Variants in PCDHGA4 observed in about 807,000 individuals in gnomAD.
PCDHGA4 encodes protocadherin gamma subfamily A, 4, also known as protocadherin gamma-A4.
Under a neutral mutation model 54.6 loss-of-function variants are expected in PCDHGA4, and 38 were observed. That is an observed-to-expected ratio of 0.70 (90% CI 0.54 to 0.91). The LOEUF is 0.91. Among genes scored for constraint, PCDHGA4 ranks in the 40% least tolerant of loss-of-function variants. The pLI, the probability that PCDHGA4 is intolerant of heterozygous loss-of-function variation, is 0.00. For synonymous variants in PCDHGA4, 511 were observed against 512.9 expected (o/e 1.00, Z 0.05); for missense variants, 1,298 against 1,220.9 (o/e 1.06, Z -0.94).
At chr5:141,488,207 TC>T (rs2099672969) in intron 1 of PCDHGA4, among the ~76,000 whole-genome samples, 1 of 152,216 alleles carries the variant, frequency 6.6e-6, no homozygotes, top group Non-Finnish European at 1.5e-5. Context: ...AGGACTCATA[TC>T]AAGTCCCTAC....
At chr5:141,385,300 A>G (rs1781097976) in intron 1 of PCDHGA4, 2 of 1,613,102 alleles carry the variant, frequency 1.2e-6, no homozygotes, top group Non-Finnish European at 8.5e-7. Flanking sequence ...TCAGGAATGT[A>G]AAGAAAACCT....
At position 141,393,088 on chromosome 5, in the gene PCDHGA4, G is replaced by T. The variant is rs760420305; in HGVS notation, c.2514+35467G>T. ...TTGATCACCGCGGGCAGGATAGATCGGGAGGAGCTCTGCGCTCAGAGCCCG... is the reference window on the plus strand; with the variant it reads ...TTGATCACCGCGGGCAGGATAGATCTGGAGGAGCTCTGCGCTCAGAGCCCG... On this transcript the variant is annotated intron_variant, in intron 1 of 3. Transcript: ENST00000571252. 3.7e-6 allele frequency: 6 copies of T among 1,613,530 alleles called. No homozygotes were observed. In the East Asian group the frequency reaches 1.3e-4, roughly 36 times the overall value.
At chr5:141,500,473 T>C (rs911171031) in intron 2 of PCDHGA4, among the ~76,000 whole-genome samples, 10 of 152,132 alleles carry the variant, frequency 6.6e-5, no homozygotes, top group Admixed American at 4.6e-4. Flanking sequence ...CCTCCCAAAG[T>C]GCTGGGATTA....
chr5:141,468,952 G>GA (rs2099186671), intron 1 of PCDHGA4, among the ~76,000 whole-genome samples: 1 of 151,198 alleles, frequency 6.6e-6, no homozygotes. Context: ...TAAACCTGTG[G>GA]TTTTTTTTAC....
chr5:141,383,085 C>T (rs773972778), intron 1 of PCDHGA4: 1 of 1,613,744 alleles, frequency 6.2e-7, no homozygotes, highest in Non-Finnish European at 8.5e-7. Flanking sequence ...TGGCGGAGCG[C>T]GGAGTCCGCA....
Position 141,404,829 on chromosome 5 carries a change from T to C in PCDHGA4, c.2514+47208T>C. Reference sequence around the variant, plus strand: ...TCGGTGGGGCTGCACACAGGTGAAGTGCGCACAGCTCGGGCCCTGCTAGAT... The same window carrying C: ...TCGGTGGGGCTGCACACAGGTGAAGCGCGCACAGCTCGGGCCCTGCTAGAT... On this transcript the variant is annotated intron_variant, in intron 1 of 3. Transcript: ENST00000571252. 1.9e-6 allele frequency: 3 copies of C among 1,608,020 alleles called. No individual in the cohort carries two copies. The South Asian group carries it at 3.3e-5, about 18-fold the overall frequency.
Position 141,486,344 on chromosome 5 carries a change from G to C in PCDHGA4, c.2515-8463G>C. 6.2e-7 allele frequency: 1 copy of C among 1,614,062 alleles called. No homozygotes were observed. The highest frequency in any genetic ancestry group is 8.5e-7 in the Non-Finnish European group (1 of 1,180,022). On this transcript the variant is annotated intron_variant, in intron 1 of 3. Transcript: ENST00000571252. The surrounding 1 kb of genome is among the most constrained non-coding windows in gnomAD (Gnocchi z 5.0). Reference sequence around the variant, plus strand: ...CGGAGATGTGAGCCTCCGCATTCCTGACCACTTGCCATTTGCCCTCAAGTC... The same window carrying C: ...CGGAGATGTGAGCCTCCGCATTCCTCACCACTTGCCATTTGCCCTCAAGTC...
chr5:141,489,636 C>A lies in PCDHGA4; in HGVS notation c.2515-5171C>A, dbSNP rs753380268. 3.8e-5 allele frequency: 62 copies of A among 1,614,074 alleles called. No individual in the cohort carries two copies. The highest frequency in any genetic ancestry group is 5.1e-5 in the Non-Finnish European group (60 of 1,180,038). ...TGGATCTCAATGACAACTCTCCTAG[C>A]TTTGCCACCCCTGAGCGAGAGATGC... is the stretch of plus-strand genomic sequence containing the variant. On this transcript the variant is annotated intron_variant, in intron 1 of 3. Coordinates refer to ENST00000571252, the MANE Select transcript of PCDHGA4 (RefSeq NM_018917.4). The surrounding 1 kb of genome is among the most constrained non-coding windows in gnomAD (Gnocchi z 4.5).
chr5:141,386,398 C>T (rs904703549), intron 1 of PCDHGA4, among the ~76,000 whole-genome samples: 2 of 151,972 alleles, frequency 1.3e-5, no homozygotes, highest in South Asian at 2.1e-4. Flanking sequence ...ACACTTTTAG[C>T]CAGGTATGGT....
At chr5:141,488,070 C>A (rs777154469) in intron 1 of PCDHGA4, among the ~76,000 whole-genome samples, 3 of 152,076 alleles carry the variant, frequency 2.0e-5, no homozygotes, top group Non-Finnish European at 1.5e-5. Context: ...TCTTTGTCTC[C>A]CAGTATCTAG....
chr5:141,404,909 C>G, intron 1 of PCDHGA4: 1 of 1,613,916 alleles, frequency 6.2e-7, no homozygotes, highest in Non-Finnish European at 8.5e-7. Flanking sequence ...TGGCCAGCCC[C>G]CTCTCTCGGC....
At chr5:141,359,215 T>C (rs758756538) in intron 1 of PCDHGA4, among the ~76,000 whole-genome samples, 3 of 152,162 alleles carry the variant, frequency 2.0e-5, no homozygotes, top group Non-Finnish European at 4.4e-5. Flanking sequence ...AGAGACAACT[T>C]ACATCTGAGG....
rs2096779089 is a variant in PCDHGA4, at chr5:141,423,760, G to GA, written c.2514+66139_2514+66140insA. On this transcript the variant is annotated intron_variant, in intron 1 of 3. Transcript: ENST00000571252. ...GTTATGAAAACTGTTTGGGGGGGGG[G>GA]TGGGGCGGCATATATTTAGTTCATA... 1.1e-5 allele frequency: 3 copies of GA among 279,664 alleles called. 1 individual carries two copies. Among genetic ancestry groups the GA allele is most frequent in the African/African-American group, 6.7e-5 (2 of 29,702 alleles). The allele number at this position is 279,664 out of a possible 1,614,324, so 17.3% of individuals were successfully genotyped here.
intron 1 of PCDHGA4, chr5:141,394,054 AT>A: frequency 6.2e-7 from 1 of 1,613,802 alleles, no homozygotes; most frequent in Non-Finnish European, 8.5e-7. Flanking sequence ...GACCGAGAAA[AT>A]GTCTCTATCT....
chr5:141,428,121 G>A (rs764584436), intron 1 of PCDHGA4: 2 of 1,605,742 alleles, frequency 1.2e-6, no homozygotes, highest in Admixed American at 1.7e-5. Flanking sequence ...CATCGAGCCC[G>A]GGCTTTTCAG....
chr5:141,392,878 C>G, intron 1 of PCDHGA4: 2 of 1,613,474 alleles, frequency 1.2e-6, no homozygotes, highest in Non-Finnish European at 1.7e-6. Context: ...CTGCTGGGAA[C>G]GCTGTGGGAA....
chr5:141,370,406 C>T (rs753617533), intron 1 of PCDHGA4: 3 of 1,560,202 alleles, frequency 1.9e-6, no homozygotes, highest in African/African-American at 2.7e-5. Flanking sequence ...TGGGAAATAG[C>T]TCCGGATGGA....
chr5:141,389,494 C>T (rs1300548775), intron 1 of PCDHGA4: 2 of 1,613,058 alleles, frequency 1.2e-6, no homozygotes, highest in East Asian at 2.2e-5. Context: ...GACCAGGGCT[C>T]GCCAGCGCTC....
At chr5:141,372,739 G>A (rs778027776) in intron 1 of PCDHGA4, 1 of 1,613,668 alleles carries the variant, frequency 6.2e-7, no homozygotes, top group Non-Finnish European at 8.5e-7. Context: ...GATCTTCTAT[G>A]TGATGAAGCC....
Sources: allele counts gnomAD v4.1 joint callset (sites outside exome capture counted in the v4.1 genomes callset), GRCh38; gene constraint gnomAD v4.1.1; non-coding constraint Gnocchi (gnomAD v3.1); transcripts MANE v1.5; gene names NCBI Gene and HGNC (gene_info 2026-07-23, HGNC 2026-07-21).